Variants in LINC00632 observed in about 807,000 individuals in gnomAD.
LINC00632 encodes ALDOA related specific transcript.
exon 5 of LINC00632, among the ~76,000 whole-genome samples, chrX:140,788,040 T>A (rs944543327): frequency 1.8e-5 from 2 of 110,165 alleles, no homozygotes; most frequent in African/African-American, 6.6e-5. Flanking sequence ...AAAGACTACA[T>A]ATAGTAGGAT....
At chrX:140,748,195 T>G (rs1345633483) in intron 3 of LINC00632, among the ~76,000 whole-genome samples, 1 of 111,889 alleles carries the variant, frequency 8.9e-6, no homozygotes, top group Non-Finnish European at 1.9e-5. Context: ...AAAGGGGCAT[T>G]TCATGATCCT....
chrX:140,784,465 G>T, exon 5 of LINC00632: 1 of 993,044 alleles, frequency 1.0e-6, no homozygotes. Context: ...AGGTCTTCCA[G>T]CATCTCCAGG....
intron 3 of LINC00632, among the ~76,000 whole-genome samples, chrX:140,758,964 CT>C (rs146312064): frequency 0.044 from 3,467 of 78,816 alleles, 61 homozygotes; most frequent in African/African-American, 0.059. Flanking sequence ...CTTTTCTTTT[CT>C]TTTTTTTTTT....
At position 140,788,150 on chromosome X, in the gene LINC00632, A is replaced by G. The variant is rs1242309177; in HGVS notation, n.16169A>G. Among the ~76,000 whole-genome samples, 9 of 109,341 alleles carry G rather than the reference A, an allele frequency of 8.2e-5. No individual in the cohort carries two copies. In the Admixed American group the frequency reaches 8.8e-4, roughly 11 times the overall value. 94.9% of individuals were successfully genotyped at this position (109,341 alleles called of 115,157 possible). On this transcript the variant is annotated non_coding_transcript_exon_variant, in exon 5 of 5. Coordinates refer to ENST00000648200, the Ensembl canonical transcript of LINC00632. ...AATAATTTATTAAAAAGCAAAAAAA[A>G]AATTGAAGATGATGGTCACTGGGGT...
At chrX:140,717,785 T>C (rs190951305) in intron 2 of LINC00632, among the ~76,000 whole-genome samples, 2 of 111,855 alleles carry the variant, frequency 1.8e-5, no homozygotes, top group East Asian at 5.6e-4. Context: ...CCCAGTTTTC[T>C]CAGCTACTTG....
chrX:140,747,973 G>A (rs755811276), intron 3 of LINC00632, among the ~76,000 whole-genome samples: 4 of 111,746 alleles, frequency 3.6e-5, no homozygotes, highest in African/African-American at 1.3e-4. Context: ...GCTTACAGGC[G>A]TGTGCCACCA....
At chrX:140,758,291 A>G (rs1160235250) in intron 3 of LINC00632, among the ~76,000 whole-genome samples, 1 of 111,029 alleles carries the variant, frequency 9.0e-6, no homozygotes, top group Admixed American at 9.7e-5. Flanking sequence ...TTGGAATACA[A>G]TTGCACTGGC....
Position 140,771,976 on chromosome X carries a change from G to A in LINC00632, n.192-102G>A, listed in dbSNP as rs994866968. On this transcript the variant is annotated intron_variant and non_coding_transcript_variant, in intron 3 of 4. Transcript: ENST00000648200. ...ATTACAGGCGTGAGCCACCATGCCC[G>A]GCCCTGGCATATATTTTTATTACTC... 3.8e-5 allele frequency: 8 copies of A among 210,940 alleles called. No individual in the cohort carries two copies. The East Asian group carries it at 3.9e-4, about 10-fold the overall frequency. 17.4% of individuals were successfully genotyped at this position (210,940 alleles called of 1,213,427 possible).
rs527697287 is a variant in LINC00632, at chrX:140,720,041, C to T, written n.104+8385C>T. ...GGCGGAGGTTGCGGTGAGCCAAGAC[C>T]GCACCATTGCCCTCCAGCCTGGGCG... On this transcript the variant is annotated intron_variant and non_coding_transcript_variant, in intron 2 of 4. Transcript: ENST00000648200. 1.8e-3 allele frequency among the ~76,000 whole-genome samples: 191 copies of T among 106,304 alleles called. 2 individuals carry two copies. The South Asian group carries it at 0.022, about 12-fold the overall frequency. 92.3% of individuals were successfully genotyped at this position (106,304 alleles called of 115,157 possible). A position where few individuals can be genotyped will look rare whatever the true frequency, so the allele number is the denominator to read the frequency against.
chrX:140,720,864 T>C (rs1033266565), intron 2 of LINC00632, among the ~76,000 whole-genome samples: 2 of 111,536 alleles, frequency 1.8e-5, no homozygotes, highest in African/African-American at 6.5e-5. Flanking sequence ...GAGCAAAACA[T>C]GCGTAAAACC....
intron 1 of LINC00632, chrX:140,711,617 C>T: frequency 3.1e-6 from 1 of 318,595 alleles, no homozygotes; most frequent in Non-Finnish European, 6.2e-6. Context: ...TTTTTTCTCC[C>T]TAGGAAAAAT....
intron 3 of LINC00632, among the ~76,000 whole-genome samples, chrX:140,739,538 A>G (rs1471813039): frequency 3.6e-5 from 4 of 111,509 alleles, no homozygotes; most frequent in Admixed American, 2.9e-4. Flanking sequence ...AAACTTTTTT[A>G]TGTAATTATT....
chrX:140,731,309 C>T (rs1381781505), intron 2 of LINC00632, among the ~76,000 whole-genome samples: 1 of 111,943 alleles, frequency 8.9e-6, no homozygotes, highest in East Asian at 2.8e-4. Context: ...AATCAAGGTT[C>T]AGAACATAGA....
chrX:140,770,411 A>G (rs1931769598), intron 3 of LINC00632, among the ~76,000 whole-genome samples: 1 of 111,890 alleles, frequency 8.9e-6, no homozygotes, highest in South Asian at 3.7e-4. Flanking sequence ...AAAAATTGGT[A>G]ACTATTTAGC....
exon 5 of LINC00632, among the ~76,000 whole-genome samples, chrX:140,774,831 C>G (rs1463786068): frequency 9.0e-6 from 1 of 111,220 alleles, no homozygotes; most frequent in Non-Finnish European, 1.9e-5. Flanking sequence ...TTAAATTCCT[C>G]CAACATGGGT....
At chrX:140,742,479 T>A (rs1213932827) in intron 3 of LINC00632, among the ~76,000 whole-genome samples, 1 of 111,357 alleles carries the variant, frequency 9.0e-6, no homozygotes, top group African/African-American at 3.3e-5. Context: ...TCCAGGGTAC[T>A]CAAAAGCGGA....
intron 2 of LINC00632, among the ~76,000 whole-genome samples, chrX:140,725,678 T>C (rs1445357744): frequency 8.9e-6 from 1 of 112,025 alleles, no homozygotes; most frequent in East Asian, 2.8e-4. Context: ...GTTTGAAGAC[T>C]TGCTGCAAAA....
intron 3 of LINC00632, among the ~76,000 whole-genome samples, chrX:140,766,405 G>C (rs1406020113): frequency 8.9e-6 from 1 of 112,207 alleles, no homozygotes; most frequent in East Asian, 2.8e-4. Flanking sequence ...TAGAAAGAGA[G>C]TGAAGATGTT....
At chrX:140,769,684 T>C (rs1049904345) in intron 3 of LINC00632, among the ~76,000 whole-genome samples, 1 of 111,198 alleles carries the variant, frequency 9.0e-6, no homozygotes, top group African/African-American at 3.3e-5. Context: ...CAACAAATCT[T>C]TTACAGTTTT....
Sources: gnomAD v4.1 joint callset for allele counts (sites outside exome capture counted in the v4.1 genomes callset) on GRCh38, gnomAD v4.1.1 for gene constraint, MANE v1.5 for transcripts, NCBI Gene and HGNC (gene_info 2026-07-23, HGNC 2026-07-21) for gene names.